The following ATG4B variants were observed in gnomAD, a reference collection of about 807,000 sequenced individuals.
ATG4B encodes autophagy related 4B cysteine peptidase, also known as cysteine protease ATG4B.
A neutral mutation model predicts 56.6 loss-of-function variants in ATG4B; 29 were observed. The ratio of observed to expected loss-of-function variants is 0.51; its 90% CI spans 0.38 to 0.70. The LOEUF is 0.70. Ranked by LOEUF, ATG4B falls within the 30% of genes least tolerant of loss-of-function variation. The pLI is 0.00. For missense variants in ATG4B, 461 were observed against 515.5 expected (o/e 0.89, Z 1.02); for synonymous variants, 224 against 206.1 (o/e 1.09, Z -0.74).
rs748984148 is a variant in ATG4B, at chr2:241,673,668, GGCTCCACGTCC to G, written c.*1406_*1416del. On this transcript the variant is annotated 3_prime_UTR_variant, in exon 13 of 13. Transcript: ENST00000404914. ...AGGCTGGTGCGATCTCCATTCCTTG[GGCTCCACGTCC>G]GAGTTCATGGTGCGCCGCTGTGCTG... The G allele has an allele frequency of 2.4e-4, 109 of 456,298 alleles. 1 individual carries two copies. The highest frequency in any genetic ancestry group is 9.4e-5 in the Admixed American group (4 of 42,552). 28.3% of individuals were successfully genotyped at this position (456,298 alleles called of 1,614,324 possible).
At chr2:241,654,051 A>G (rs1321199318) in intron 4 of ATG4B, among the ~76,000 whole-genome samples, 1 of 152,062 alleles carries the variant, frequency 6.6e-6, no homozygotes, top group Non-Finnish European at 1.5e-5. Flanking sequence ...AATTACTGAA[A>G]CTGTTTTCTG....
At chr2:241,654,287 G>GGC (rs2068320598) in intron 4 of ATG4B, among the ~76,000 whole-genome samples, 3 of 152,010 alleles carry the variant, frequency 2.0e-5, no homozygotes, top group Admixed American at 1.3e-4. Flanking sequence ...TAGGCTTGGT[G>GGC]ACATGTGCCT....
chr2:241,670,803 C>T, intron 11 of ATG4B, 21 bp downstream of exon 11: 1 of 1,598,298 alleles, frequency 6.3e-7, no homozygotes, highest in East Asian at 2.3e-5. Flanking sequence ...GCCCCACACC[C>T]ACAGCCGAGC....
intron 7 of ATG4B, among the ~76,000 whole-genome samples, chr2:241,665,390 C>T (rs532891297): frequency 7.2e-5 from 11 of 152,294 alleles, no homozygotes; most frequent in Middle Eastern, 3.4e-3. Context: ...GGGAACAACC[C>T]GTGCCGCTGA....
rs1473043030 is a variant in ATG4B at position 241,672,374 on chromosome 2, C to T, written c.*110C>T. 1 of 1,033,786 alleles carries T rather than the reference C, an allele frequency of 9.7e-7. No individual in the cohort carries two copies. The highest frequency in any genetic ancestry group is 1.4e-6 in the Non-Finnish European group (1 of 699,624). The allele number at this position is 1,033,786 out of a possible 1,614,324, so 64.0% of individuals were successfully genotyped here. On this transcript the variant is annotated 3_prime_UTR_variant, in exon 13 of 13. Coordinates refer to ENST00000404914, the MANE Select transcript of ATG4B (RefSeq NM_013325.5). ...CGAGGGCTGCGCCCCGTGCTGCCTC[C>T]CCCCAGAGGGCCACCCGCTGTGCTC...
In ATG4B at chr2:241,668,204, A is replaced by G. The variant is rs1429426305; in HGVS notation, c.794A>G (p.Tyr265Cys). The change falls in exon 9 of 13, where the codon TAC (tyrosine) becomes TGC (cysteine). Residue 265 changes from tyrosine to cysteine, a missense_variant. Transcript: ENST00000404914. This position sits in a 1 kb window ranked among gnomAD's most constrained non-coding sequence, Gnocchi z 4.2. ...GGAGGGAAGCCCAACAGCGCCCACT[A>G]CTTCATCGGCTACGTTGGTGAGTCC... ...VIGGKPNSAH[Y>C]FIGYVGEELI... 6.2e-7 allele frequency: 1 copy of G among 1,605,874 alleles called. No homozygotes were observed. The highest frequency in any genetic ancestry group is 8.5e-7 in the Non-Finnish European group (1 of 1,176,682).
At chr2:241,672,016 T>G in intron 12 of ATG4B, 175 bp from the exon 13 acceptor site, 2 of 1,403,630 alleles carry the variant, frequency 1.4e-6, no homozygotes, top group Non-Finnish European at 1.9e-6. Context: ...CTCTGCTCCC[T>G]CCCCCCATAT....
intron 7 of ATG4B, among the ~76,000 whole-genome samples, chr2:241,664,225 T>TAG (rs1364672412): frequency 1.3e-5 from 2 of 152,080 alleles, no homozygotes; most frequent in African/African-American, 4.8e-5. Context: ...TTTAAAAAAA[T>TAG]CAAAGTTAAA....
rs1177149078 is a variant in ATG4B at position 241,653,527 on chromosome 2, C to A, written c.200C>A (p.Thr67Asn). ...NFPAIGGTGP[T>N]SDTGWGCMLR... ...GCCACGACAGGGGGGACAGGCCCCA[C>A]CTCGGACACAGGCTGGGGCTGCATG... Residue 67 changes from threonine to asparagine, a missense_variant, in exon 4 of 13, where the codon ACC becomes AAC. Coordinates refer to ENST00000404914, the MANE Select transcript of ATG4B (RefSeq NM_013325.5). 6.3e-7 allele frequency: 1 copy of A among 1,581,556 alleles called. No homozygotes were observed. Among genetic ancestry groups the A allele is most frequent in the South Asian group, 1.2e-5 (1 of 86,156 alleles).
chr2:241,650,445 C>T (rs1575065931), intron 1 of ATG4B, among the ~76,000 whole-genome samples: 1 of 152,002 alleles, frequency 6.6e-6, no homozygotes, highest in African/African-American at 2.4e-5. Context: ...GTTTCTTGCC[C>T]CGGAGCATCT....
chr2:241,664,646 C>T (rs896224483), intron 7 of ATG4B, among the ~76,000 whole-genome samples: 2 of 152,060 alleles, frequency 1.3e-5, no homozygotes, highest in Non-Finnish European at 2.9e-5. Context: ...TGAGACCAAC[C>T]TGGACAACTC....
At chr2:241,650,973 T>C in intron 1 of ATG4B, 37 bp from the exon 2 acceptor site, 2 of 1,539,062 alleles carry the variant, frequency 1.3e-6, no homozygotes, top group Non-Finnish European at 1.8e-6. Context: ...TATGAAATTA[T>C]AAGTGTCTGA....
intron 8 of ATG4B, 116 bp downstream of exon 8, chr2:241,666,954 G>A (rs904957554): frequency 3.2e-6 from 4 of 1,243,450 alleles, no homozygotes; most frequent in East Asian, 2.5e-5. Flanking sequence ...TCGGGGGAGG[G>A]GTAAACAACC....
At chr2:241,649,306 C>A (rs930822988) in intron 1 of ATG4B, among the ~76,000 whole-genome samples, 1 of 152,226 alleles carries the variant, frequency 6.6e-6, no homozygotes, top group Non-Finnish European at 1.5e-5. Context: ...TGCATAAAGA[C>A]TTCTGGAAAG....
At chr2:241,660,745 C>T (rs1426998623) in intron 7 of ATG4B, among the ~76,000 whole-genome samples, 1 of 152,218 alleles carries the variant, frequency 6.6e-6, no homozygotes, top group East Asian at 1.9e-4. Context: ...TGAGTGACAG[C>T]ATTGTAATTA....
chr2:241,645,704 A>G (rs2068040632), intron 1 of ATG4B, among the ~76,000 whole-genome samples: 1 of 152,188 alleles, frequency 6.6e-6, no homozygotes. Context: ...TCCAGGTGTG[A>G]CGTGTGGACA....
intron 6 of ATG4B, among the ~76,000 whole-genome samples, chr2:241,657,993 C>T (rs1167313815): frequency 6.6e-6 from 1 of 152,058 alleles, no homozygotes; most frequent in Non-Finnish European, 1.5e-5. Flanking sequence ...GCCTGGGTTG[C>T]GCCCCATGTC....
intron 7 of ATG4B, 112 bp downstream of exon 7, chr2:241,659,299 G>A (rs2068516408): frequency 2.1e-6 from 2 of 942,942 alleles, no homozygotes; most frequent in African/African-American, 1.6e-5. Flanking sequence ...GTCGCCCCAT[G>A]CCGTGCAGGT....
At chr2:241,670,207 C>T (rs1012757254) in intron 10 of ATG4B, among the ~76,000 whole-genome samples, 3 of 152,128 alleles carry the variant, frequency 2.0e-5, no homozygotes, top group African/African-American at 2.4e-5. Flanking sequence ...TCATTACAGG[C>T]GGCAGCTTTA....
Sources: allele counts gnomAD v4.1 joint callset (sites outside exome capture counted in the v4.1 genomes callset), GRCh38; gene constraint gnomAD v4.1.1; non-coding constraint Gnocchi (gnomAD v3.1); transcripts MANE v1.5; gene names NCBI Gene and HGNC (gene_info 2026-07-23, HGNC 2026-07-21).